The following PCGF6 variants were observed in gnomAD, a reference collection of about 807,000 sequenced individuals.
PCGF6 encodes the protein polycomb group RING finger protein 6.
PCGF6 carries 24 observed loss-of-function variants against 45.5 expected under a neutral mutation model. The observed-to-expected ratio is 0.53, with a 90% CI of 0.38 to 0.74. The LOEUF (loss-of-function observed/expected upper bound fraction) is 0.74. Ranked by LOEUF, PCGF6 falls within the 30% of genes least tolerant of loss-of-function variation. PCGF6 has a pLI of 0.00. For synonymous variants in PCGF6, 152 were observed against 162.1 expected, an observed-to-expected ratio of 0.94 and a Z score of 0.47; for missense variants, 356 against 443.2, an observed-to-expected ratio of 0.80 and a Z score of 1.77.
chr10:103,335,977 G>A (rs1207240806), intron 6 of PCGF6, among the ~76,000 whole-genome samples: 2 of 149,846 alleles, frequency 1.3e-5, no homozygotes, highest in South Asian at 2.1e-4. Context: ...AAAAAATAAA[G>A]GAAAAGAGGC....
intron 7 of PCGF6, among the ~76,000 whole-genome samples, chr10:103,327,832 G>A (rs958299097): frequency 4.1e-5 from 6 of 147,114 alleles, no homozygotes; most frequent in African/African-American, 1.5e-4. Flanking sequence ...GCACCACTAC[G>A]CCCAACTAAT....
At chr10:103,322,858 C>T (rs995129004) in intron 8 of PCGF6, among the ~76,000 whole-genome samples, 1 of 146,412 alleles carries the variant, frequency 6.8e-6, no homozygotes, top group South Asian at 2.1e-4. Context: ...CTGGGCAACA[C>T]AGTATGTTAT....
At chr10:103,307,442 C>G (rs969604456) in intron 9 of PCGF6, among the ~76,000 whole-genome samples, 1 of 151,906 alleles carries the variant, frequency 6.6e-6, no homozygotes, top group Non-Finnish European at 1.5e-5. Context: ...ACAGCAAGAC[C>G]CTGTCTCAAA....
chr10:103,316,344 A>G (rs1289757699), intron 8 of PCGF6, among the ~76,000 whole-genome samples: 1 of 152,198 alleles, frequency 6.6e-6, no homozygotes, highest in African/African-American at 2.4e-5. Flanking sequence ...TTAAACTCTA[A>G]AAACTTTTAG....
At position 103,326,436 on chromosome 10, in the gene PCGF6, A is replaced by G. The variant is rs184421187; in HGVS notation, c.909+98T>C. On this transcript the variant is annotated intron_variant, in intron 8 of 9. Coordinates refer to ENST00000369847, the MANE Select transcript of PCGF6 (RefSeq NM_001011663.2). ...GTCTACAACATCATAAAACAAAAAT[A>G]ACAAAAATAATTGCATGAAATCCTA... is the stretch of plus-strand genomic sequence containing the variant. 41 of 744,910 alleles carry G rather than the reference A, an allele frequency of 5.5e-5. No homozygotes were observed. In the East Asian group the frequency reaches 1.2e-3, roughly 21 times the overall value. 46.1% of individuals were successfully genotyped at this position (744,910 alleles called of 1,614,324 possible).
chr10:103,350,122 C>G (rs2093315747), intron 1 of PCGF6, among the ~76,000 whole-genome samples: 1 of 151,136 alleles, frequency 6.6e-6, no homozygotes, highest in African/African-American at 2.4e-5. Flanking sequence ...AGGATCTTTA[C>G]TGCCTAGTAA....
At chr10:103,320,988 C>G (rs1311741612) in intron 8 of PCGF6, among the ~76,000 whole-genome samples, 2 of 152,152 alleles carry the variant, frequency 1.3e-5, no homozygotes, top group Non-Finnish European at 2.9e-5. Context: ...CTCTTAATTA[C>G]TTACTCTACC....
At chr10:103,328,507 G>C (rs529642940) in intron 7 of PCGF6, among the ~76,000 whole-genome samples, 1 of 152,282 alleles carries the variant, frequency 6.6e-6, no homozygotes, top group South Asian at 2.1e-4. Context: ...CTCAAACCCT[G>C]GTTCTGCCAT....
intron 3 of PCGF6, 46 bp downstream of exon 3, chr10:103,348,670 A>G (rs767801267): frequency 2.9e-6 from 4 of 1,357,428 alleles, no homozygotes; most frequent in African/African-American, 3.0e-5. Flanking sequence ...AAGCTTTCAG[A>G]AAAAGTATAT....
At chr10:103,348,353 T>C (rs1361507515) in intron 3 of PCGF6, 1 of 158,640 alleles carries the variant, frequency 6.3e-6, no homozygotes, top group Non-Finnish European at 1.4e-5. Flanking sequence ...TTTTTTTTTT[T>C]TGAGATACTC....
rs1329257573 is a variant in PCGF6, at chr10:103,303,135, ATT to A, written c.*768_*769del. ...TGTAAACTTCTCAAATTCTCCTAAA[ATT>A]TTTTATTACTTTCAGAAGCAATACT... On this transcript the variant is annotated 3_prime_UTR_variant, in exon 10 of 10. Transcript: ENST00000369847. 6.6e-6 allele frequency: 1 copy of A among 152,634 alleles called. No individual in the cohort carries two copies. Among genetic ancestry groups the A allele is most frequent in the Admixed American group, 6.6e-5 (1 of 15,254 alleles). 9.5% of individuals were successfully genotyped at this position (152,634 alleles called of 1,614,324 possible). A position where few individuals can be genotyped will look rare whatever the true frequency, so the allele number is the denominator to read the frequency against.
At chr10:103,332,386 C>T (rs1434156628) in intron 7 of PCGF6, among the ~76,000 whole-genome samples, 1 of 152,100 alleles carries the variant, frequency 6.6e-6, no homozygotes, top group African/African-American at 2.4e-5. Flanking sequence ...CTCACGTGAT[C>T]CTGCCACCTT....
intron 5 of PCGF6, among the ~76,000 whole-genome samples, chr10:103,345,579 AC>A (rs2093296067): frequency 6.6e-6 from 1 of 151,850 alleles, no homozygotes; most frequent in South Asian, 2.1e-4. Context: ...TGTAATTCCA[AC>A]CCTTTGGGAG....
At chr10:103,305,487 T>TCC (rs1234212264) in intron 9 of PCGF6, among the ~76,000 whole-genome samples, 1 of 151,832 alleles carries the variant, frequency 6.6e-6, no homozygotes, top group Non-Finnish European at 1.5e-5. Context: ...GCCAGGCTGG[T>TCC]CCCGAACTCC....
In PCGF6 at chr10:103,315,992, G is replaced by GTA. The variant is rs1343847667; in HGVS notation, c.910-1721_910-1720insTA. ...TATGTGTGTGTGTGTGTGTGTGTGT[G>GTA]TGTATATATATATATATATATAGAG... On this transcript the variant is annotated intron_variant, in intron 8 of 9. Transcript: ENST00000369847. Among the ~76,000 whole-genome samples, 286 of 112,348 alleles carry GTA rather than the reference G, an allele frequency of 2.5e-3. 1 individual carries two copies. Among genetic ancestry groups the GTA allele is most frequent in the African/African-American group, 6.7e-3 (210 of 31,144 alleles). The allele number at this position is 112,348 out of a possible 152,430, so 73.7% of individuals were successfully genotyped here.
chr10:103,307,024 A>G (rs1021998724), intron 9 of PCGF6, among the ~76,000 whole-genome samples: 2 of 152,170 alleles, frequency 1.3e-5, no homozygotes, highest in African/African-American at 4.8e-5. Flanking sequence ...GGATCACTTG[A>G]GCCTGGGAGG....
rs182979232 is a variant in PCGF6 at position 103,344,928 on chromosome 10, A to G, written c.782+96T>C. 3.7e-5 allele frequency: 28 copies of G among 765,116 alleles called. No homozygotes were observed. The Admixed American group carries it at 6.9e-4, about 19-fold the overall frequency. The allele number at this position is 765,116 out of a possible 1,614,324, so 47.4% of individuals were successfully genotyped here. A position where few individuals can be genotyped will look rare whatever the true frequency, so the allele number is the denominator to read the frequency against. On this transcript the variant is annotated intron_variant, in intron 6 of 9. Coordinates refer to ENST00000369847, the MANE Select transcript of PCGF6 (RefSeq NM_001011663.2). ...AGTTATTTCATAATTTTCCAAGGGG[A>G]TGTCAGAAAACTTGATTTTACCTGA... is the stretch of plus-strand genomic sequence containing the variant.
intron 9 of PCGF6, among the ~76,000 whole-genome samples, chr10:103,306,135 T>C (rs547647679): frequency 3.2e-4 from 49 of 151,370 alleles, no homozygotes; most frequent in Non-Finnish European, 6.6e-4. Flanking sequence ...TTTTGCTCTC[T>C]TGCCCAGGTT....
intron 8 of PCGF6, among the ~76,000 whole-genome samples, chr10:103,323,201 G>A (rs2093204178): frequency 6.6e-6 from 1 of 152,072 alleles, no homozygotes; most frequent in South Asian, 2.1e-4. Context: ...GATATAACCA[G>A]GATATGTCAA....
Sources: gnomAD v4.1 joint callset for allele counts (sites outside exome capture counted in the v4.1 genomes callset) on GRCh38, gnomAD v4.1.1 for gene constraint, MANE v1.5 for transcripts, NCBI Gene and HGNC (gene_info 2026-07-23, HGNC 2026-07-21) for gene names.